Variants in DDX18 observed in about 807,000 individuals in gnomAD.
DDX18 encodes DEAD-box helicase 18.
Under a neutral mutation model 73.5 loss-of-function variants are expected in DDX18, and 23 were observed. The ratio of observed to expected loss-of-function variants is 0.31; its 90% CI spans 0.23 to 0.44. The LOEUF (loss-of-function observed/expected upper bound fraction) is 0.44, where lower values mean the gene tolerates loss of function less well. Ranked by LOEUF, DDX18 falls within the 20% of genes least tolerant of loss-of-function variation. The pLI, the probability that DDX18 is intolerant of heterozygous loss-of-function variation, is 1.00. For synonymous variants in DDX18, 268 were observed against 282.7 expected, an observed-to-expected ratio of 0.95 and a Z score of 0.52; for missense variants, 753 against 792.9, an observed-to-expected ratio of 0.95 and a Z score of 0.60.
Position 117,825,437 on chromosome 2 carries a change from T to G in DDX18, c.1369-10T>G, listed in dbSNP as rs1405401358. The G allele has an allele frequency of 8.7e-6, 14 of 1,606,168 alleles. No homozygotes were observed. Among genetic ancestry groups the G allele is most frequent in the Non-Finnish European group, 1.2e-5 (14 of 1,173,948 alleles). On this transcript the variant is annotated splice_polypyrimidine_tract_variant and intron_variant, in intron 9 of 13. Transcript: ENST00000263239. ...TTCCAGCTCTAATGGATGTTTTTAT[T>G]TAATTCTAGGGAAAGCAAAAGCAAA...
intron 9 of DDX18, 28 bp from the exon 10 acceptor site, chr2:117,825,419 T>A: frequency 6.2e-7 from 1 of 1,601,360 alleles, no homozygotes; most frequent in South Asian, 1.1e-5. Context: ...AGATTCCAGC[T>A]CTAATGGATG....
At chr2:117,820,348 T>C (rs889637407) in intron 3 of DDX18, among the ~76,000 whole-genome samples, 9 of 152,196 alleles carry the variant, frequency 5.9e-5, no homozygotes, top group African/African-American at 2.2e-4. Flanking sequence ...AGAGTAACTC[T>C]TCCTGGTTTG....
At chr2:117,827,173 A>G (rs571011843) in intron 11 of DDX18, 1 of 152,280 alleles carries the variant, frequency 6.6e-6, no homozygotes, top group South Asian at 2.1e-4. Context: ...TCTACCCTGT[A>G]ACTGCAGGCA....
rs766491406 is a variant in DDX18 at position 117,826,374 on chromosome 2, C to G, written c.1627C>G (p.Gln543Glu). The change falls in exon 11 of 14, where the codon CAA (glutamine) becomes GAA (glutamate). Residue 543 changes from glutamine (Q) to glutamate (E), a missense_variant. Transcript: ENST00000263239. Reference sequence around the variant, plus strand: ...ATTGGGTTTTCTTCGCTACTTGAAACAATCCAAGGTAAAGATCTGTACTTG... The same window carrying G: ...ATTGGGTTTTCTTCGCTACTTGAAAGAATCCAAGGTAAAGATCTGTACTTG... ...EELGFLRYLK[Q>E]SKVPLSEFDF... 6.2e-7 allele frequency: 1 copy of G among 1,613,652 alleles called. No homozygotes were observed. Among genetic ancestry groups the G allele is most frequent in the Admixed American group, 1.7e-5 (1 of 59,952 alleles).
At chr2:117,828,516 A>T (rs1679971127) in intron 11 of DDX18, 1 of 154,578 alleles carries the variant, frequency 6.5e-6, no homozygotes, top group Non-Finnish European at 1.4e-5. Context: ...GTGATAACTG[A>T]TGGCAGATCC....
intron 11 of DDX18, chr2:117,826,621 C>A: frequency 1.9e-6 from 1 of 530,052 alleles, no homozygotes. Flanking sequence ...CCCAGCCTCT[C>A]CTTTCCTGTT....
rs753544982 is a variant in DDX18, at chr2:117,825,107, T to C, written c.1368+6T>C. ...TGCCCGTCTTGGCCATTCATGTAAG[T>C]GATGATGATGAGCTCATTGAAAACA... On this transcript the variant is annotated splice_donor_region_variant and intron_variant, in intron 9 of 13. Coordinates refer to ENST00000263239, the MANE Select transcript of DDX18 (RefSeq NM_006773.4). The C allele has an allele frequency of 7.3e-7, 1 of 1,369,394 alleles. No homozygotes were observed. Among genetic ancestry groups the C allele is most frequent in the Non-Finnish European group, 1.0e-6 (1 of 982,576 alleles). 84.8% of individuals were successfully genotyped at this position (1,369,394 alleles called of 1,614,324 possible).
intron 3 of DDX18, 107 bp from the exon 4 acceptor site, chr2:117,821,054 T>C (rs967580942): frequency 2.4e-5 from 27 of 1,130,022 alleles, no homozygotes; most frequent in Non-Finnish European, 3.0e-5. Context: ...GTTTAGCCTT[T>C]TCTTACTGCG....
At chr2:117,817,165 T>C (rs1314752979) in intron 1 of DDX18, among the ~76,000 whole-genome samples, 1 of 152,224 alleles carries the variant, frequency 6.6e-6, no homozygotes, top group East Asian at 1.9e-4. Context: ...TTGACCTCAT[T>C]GAAGTTTTCC....
chr2:117,815,171 T>G (rs1176688689), intron 1 of DDX18: 12 of 334,338 alleles, frequency 3.6e-5, no homozygotes, highest in Non-Finnish European at 6.2e-5. Flanking sequence ...TAGCTTTTGG[T>G]TCCCTCACCA....
intron 2 of DDX18, 34 bp downstream of exon 2, chr2:117,817,762 T>C (rs1031382829): frequency 5.1e-6 from 8 of 1,563,492 alleles, no homozygotes; most frequent in Non-Finnish European, 6.9e-6. Context: ...TTCAGCCATT[T>C]AGTTTTTCAC....
chr2:117,828,837 C>T (rs1679975175), intron 11 of DDX18, 112 bp from the exon 12 acceptor site: 1 of 735,334 alleles, frequency 1.4e-6, no homozygotes, highest in African/African-American at 1.8e-5. Context: ...GCAGATTTTC[C>T]TTTCTGTCCT....
Position 117,817,599 on chromosome 2 carries a change from A to G in DDX18, c.241A>G (p.Ile81Val), listed in dbSNP as rs2104619269. The change falls in exon 2 of 14, where the codon ATA becomes GTA. Residue 81 changes from isoleucine to valine, a missense_variant. By Grantham distance (29) the Ile-to-Val change is conservative (BLOSUM62 3). Coordinates refer to ENST00000263239, the MANE Select transcript of DDX18 (RefSeq NM_006773.4). ...CATGTCTCAAGAAGCAGTGGGAAAT[A>G]TAAAAGTTACAAAGTCTCCCCAGAA... is the stretch of plus-strand genomic sequence containing the variant. ...GGMSQEAVGNIKVTKSPQKST... is the reference protein window; with the variant it reads ...GGMSQEAVGNVKVTKSPQKST... The G allele has an allele frequency of 6.2e-7, 1 of 1,614,102 alleles. No homozygotes were observed. Among genetic ancestry groups the G allele is most frequent in the Non-Finnish European group, 8.5e-7 (1 of 1,179,990 alleles).
intron 4 of DDX18, 26 bp from the exon 5 acceptor site, chr2:117,821,624 T>C: frequency 1.2e-6 from 2 of 1,612,810 alleles, no homozygotes; most frequent in South Asian, 1.1e-5. Flanking sequence ...CTAAATGTCT[T>C]TCTCCTTTCC....
intron 12 of DDX18, 52 bp downstream of exon 12, chr2:117,829,057 C>CT (rs769809978): frequency 6.8e-7 from 1 of 1,465,512 alleles, no homozygotes; most frequent in Non-Finnish European, 9.5e-7. Context: ...TCCCAGCACT[C>CT]TGTTTGTAGT....
chr2:117,821,546 C>T (rs1464506223), intron 4 of DDX18, 104 bp from the exon 5 acceptor site: 19 of 1,290,720 alleles, frequency 1.5e-5, no homozygotes, highest in African/African-American at 4.4e-5. Flanking sequence ...GCACTGTAGA[C>T]GTTTCTTGTT....
At position 117,817,549 on chromosome 2, in the gene DDX18, G is replaced by A. The variant is rs772140327; in HGVS notation, c.191G>A (p.Gly64Asp). Residue 64 changes from glycine (G) to aspartate (D), a missense_variant, in exon 2 of 14, where the codon GGC (glycine) becomes GAC (aspartate). Physicochemically the swap from Gly to Asp is moderately conservative, Grantham distance 94 (BLOSUM62 -1). Around this residue, in one of 3 missense-constraint regions of DDX18, gnomAD observed 345 missense variants for 352.0 expected, o/e 0.98. Transcript: ENST00000263239. ...KKSKQKPMNV[G>D]LSETQNGGMS... ...TCAAAACAAAAGCCCATGAATGTGG[G>A]CTTATCAGAAACTCAAAATGGAGGC... 1.2e-6 allele frequency: 2 copies of A among 1,613,980 alleles called. No homozygotes were observed. The highest frequency in any genetic ancestry group is 1.7e-6 in the Non-Finnish European group (2 of 1,179,954).
intron 2 of DDX18, 90 bp downstream of exon 2, chr2:117,817,818 A>G (rs567719544): frequency 1.5e-6 from 2 of 1,368,002 alleles, no homozygotes; most frequent in Non-Finnish European, 2.0e-6. Context: ...TGCACATGAC[A>G]TGAGAATTCC....
At chr2:117,826,602 C>A in intron 11 of DDX18, 1 of 558,508 alleles carries the variant, frequency 1.8e-6, no homozygotes, top group East Asian at 3.0e-5. Flanking sequence ...CCCAGCAACA[C>A]CTCTGTGTCC....
Sources: allele counts gnomAD v4.1 joint callset (sites outside exome capture counted in the v4.1 genomes callset), GRCh38; gene constraint gnomAD v4.1.1; regional missense constraint gnomAD v4.1.1; transcripts MANE v1.5; gene names NCBI Gene and HGNC (gene_info 2026-07-23, HGNC 2026-07-21).